Variants in LUZP1 observed in about 807,000 individuals in gnomAD.
LUZP1 encodes the protein filamin mechanobinding actin cross-linking protein.
LUZP1 carries 25 observed loss-of-function variants against 71.3 expected under a neutral mutation model. The ratio of observed to expected loss-of-function variants is 0.35; its 90% CI spans 0.26 to 0.49. LUZP1 has a LOEUF of 0.49. LUZP1 is among the 20% of genes least tolerant of loss of function. The probability of loss-of-function intolerance (pLI) is 0.99; values close to 1 mark genes in which losing one functional copy is unlikely to be tolerated. For synonymous variants in LUZP1, 481 were observed against 506.4 expected (o/e 0.95, Z 0.67); for missense variants, 1,142 against 1,300.8 (o/e 0.88, Z 1.88).
chr1:23,168,519 GTC>G (rs1557700054), intron 2 of LUZP1, among the ~76,000 whole-genome samples: 1 of 145,290 alleles, frequency 6.9e-6, no homozygotes, highest in African/African-American at 2.6e-5. Context: ...TCTCCTCAGA[GTC>G]TCTTCCTCCA....
intron 2 of LUZP1, among the ~76,000 whole-genome samples, chr1:23,149,102 A>T (rs1052697888): frequency 4.0e-5 from 6 of 150,488 alleles, no homozygotes; most frequent in Admixed American, 6.6e-5. Context: ...AAAAAAAAAA[A>T]AAAATTAAAT....
chr1:23,171,202 T>A (rs1644551191), intron 1 of LUZP1, among the ~76,000 whole-genome samples: 1 of 151,872 alleles, frequency 6.6e-6, no homozygotes, highest in Non-Finnish European at 1.5e-5. Flanking sequence ...ACACAGCACC[T>A]CATAACAATC....
intron 2 of LUZP1, among the ~76,000 whole-genome samples, chr1:23,168,008 T>G (rs1350895875): frequency 6.6e-6 from 1 of 151,326 alleles, no homozygotes; most frequent in Admixed American, 6.6e-5. Flanking sequence ...CCACCATTAA[T>G]TAGTCCTAAG....
At position 23,107,695 on chromosome 1, in the gene LUZP1, G is replaced by A. The variant is rs552208664; in HGVS notation, c.-120+1327C>T. Among the ~76,000 whole-genome samples the A allele has an allele frequency of 7.2e-5, 11 of 152,252 alleles. No homozygotes were observed. The South Asian group carries it at 1.0e-3, about 14-fold the overall frequency. ...CACACACCTGTAATCCCAGCTACTCGGGAGGCTGAGACAGGAGAATCGCTT... is the reference window on the plus strand; with the variant it reads ...CACACACCTGTAATCCCAGCTACTCAGGAGGCTGAGACAGGAGAATCGCTT... On this transcript the variant is annotated intron_variant, in intron 3 of 4. Transcript: ENST00000302291.
chr1:23,139,019 A>AAAATAT (rs1317355746), intron 2 of LUZP1, among the ~76,000 whole-genome samples: 78 of 59,910 alleles, frequency 1.3e-3, no homozygotes, highest in Non-Finnish European at 1.8e-3. Context: ...AAAAAAAAAA[A>AAAATAT]ATATATATAT....
chr1:23,155,983 G>A (rs1312334712), intron 2 of LUZP1, among the ~76,000 whole-genome samples: 1 of 152,136 alleles, frequency 6.6e-6, no homozygotes, highest in South Asian at 2.1e-4. Flanking sequence ...CTTGAAACTA[G>A]ATAAAAACAG....
exon 5 of LUZP1, chr1:23,088,838 G>A: frequency 6.3e-7 from 1 of 1,586,952 alleles, no homozygotes; most frequent in Non-Finnish European, 8.6e-7. Flanking sequence ...CGTGGGGCAG[G>A]ACGGTGGAAG....
chr1:23,157,017 G>T (rs541885875), intron 2 of LUZP1, among the ~76,000 whole-genome samples: 1 of 152,202 alleles, frequency 6.6e-6, no homozygotes, highest in Non-Finnish European at 1.5e-5. Context: ...TTCAGAATTT[G>T]GAAATGTCAC....
At chr1:23,162,849 G>C (rs1480675006) in intron 2 of LUZP1, 1 of 152,076 alleles carries the variant, frequency 6.6e-6, no homozygotes, top group Non-Finnish European at 1.5e-5. Context: ...ACGGTATAAA[G>C]GGGCACATGC....
At chr1:23,136,090 T>C (rs1346341067) in intron 2 of LUZP1, among the ~76,000 whole-genome samples, 1 of 152,184 alleles carries the variant, frequency 6.6e-6, no homozygotes, top group African/African-American at 2.4e-5. Context: ...AATTCATCAT[T>C]TGTGTCACAG....
exon 5 of LUZP1, chr1:23,086,534 T>C (rs605775): frequency 0.81 from 123,460 of 152,652 alleles, 50,339 homozygotes; most frequent in Non-Finnish European, 0.83. Flanking sequence ...GCTCCAACAC[T>C]CAAAGACAAG....
At chr1:23,166,062 AAAAG>A (rs1644507650) in intron 2 of LUZP1, among the ~76,000 whole-genome samples, 1 of 151,862 alleles carries the variant, frequency 6.6e-6, no homozygotes, top group African/African-American at 2.4e-5. Context: ...AAAAAAAAAA[AAAAG>A]AAAAGAAAAA....
intron 4 of LUZP1, among the ~76,000 whole-genome samples, chr1:23,089,740 G>C (rs541999301): frequency 6.7e-6 from 1 of 148,928 alleles, no homozygotes; most frequent in African/African-American, 2.5e-5. Context: ...TTACAAGCAC[G>C]CACCACCACA....
At chr1:23,103,972 G>A (rs1332298287) in intron 3 of LUZP1, among the ~76,000 whole-genome samples, 1 of 150,104 alleles carries the variant, frequency 6.7e-6, no homozygotes, top group African/African-American at 2.5e-5. Context: ...TGCTGTATTC[G>A]GGGAATTTAA....
chr1:23,177,176 C>T (rs1644587554), intron 1 of LUZP1, among the ~76,000 whole-genome samples: 3 of 152,146 alleles, frequency 2.0e-5, no homozygotes, highest in Admixed American at 6.5e-5. Context: ...CAGGCATGAG[C>T]CACCATGCCC....
At chr1:23,161,806 G>A (rs1464141332) in intron 2 of LUZP1, among the ~76,000 whole-genome samples, 2 of 152,002 alleles carry the variant, frequency 1.3e-5, no homozygotes, top group African/African-American at 2.4e-5. Flanking sequence ...AGTGGATCAA[G>A]AGGTCAGGAG....
At chr1:23,144,665 TC>T (rs2124715204) in intron 2 of LUZP1, among the ~76,000 whole-genome samples, 1 of 152,024 alleles carries the variant, frequency 6.6e-6, no homozygotes, top group East Asian at 1.9e-4. Flanking sequence ...AGTAACATGC[TC>T]CCCACCTCCC....
chr1:23,172,159 T>C (rs1171470613), intron 1 of LUZP1, among the ~76,000 whole-genome samples: 2 of 152,190 alleles, frequency 1.3e-5, no homozygotes, highest in African/African-American at 4.8e-5. Flanking sequence ...CTGTTACTAT[T>C]TGAACATGTC....
At chr1:23,145,468 C>CTTT (rs869293750) in intron 2 of LUZP1, among the ~76,000 whole-genome samples, 2 of 135,114 alleles carry the variant, frequency 1.5e-5, no homozygotes, top group East Asian at 2.1e-4. Flanking sequence ...CTATTAATCT[C>CTTT]TTTTTTTTTT....
Sources: allele counts gnomAD v4.1 joint callset (sites outside exome capture counted in the v4.1 genomes callset), GRCh38; gene constraint gnomAD v4.1.1; transcripts MANE v1.5; gene names NCBI Gene and HGNC (gene_info 2026-07-23, HGNC 2026-07-21).